The following TPMT variants were observed in gnomAD, a reference collection of about 807,000 sequenced individuals.
TPMT encodes the protein thiopurine S-methyltransferase.
Under a neutral mutation model 34.2 loss-of-function variants are expected in TPMT, and 18 were observed. The observed-to-expected ratio is 0.53, with a 90% CI of 0.36 to 0.78. The LOEUF (loss-of-function observed/expected upper bound fraction) is 0.78, where lower values mean the gene tolerates loss of function less well. TPMT is among the 30% of genes least tolerant of loss of function. The pLI is 0.00. For synonymous variants in TPMT, 69 were observed against 92.4 expected (o/e 0.75, Z 1.45); for missense variants, 265 against 288.1 (o/e 0.92, Z 0.58).
intron 3 of TPMT, among the ~76,000 whole-genome samples, chr6:18,144,481 C>T (rs188017942): frequency 2.6e-5 from 4 of 152,088 alleles, no homozygotes; most frequent in Non-Finnish European, 5.9e-5. Context: ...TGGGTTCAAG[C>T]GATTCTCCTG....
rs1783968371 is a variant in TPMT at position 18,132,700 on chromosome 6, C to A, written c.581-523G>T. On this transcript the variant is annotated intron_variant, in intron 7 of 8. Transcript: ENST00000309983. This position sits in a 1 kb window ranked among gnomAD's most constrained non-coding sequence, Gnocchi z 4.8. ...TCAGATTAGCAGAGCTAACTTCTGC[C>A]TCTATTAATTTCTATTTCCATTTGA... Among the ~76,000 whole-genome samples, 1 of 152,064 alleles carries A rather than the reference C, an allele frequency of 6.6e-6. No homozygotes were observed. Among genetic ancestry groups the A allele is most frequent in the Non-Finnish European group, 1.5e-5 (1 of 68,024 alleles).
rs766839260 is a variant in TPMT at position 18,130,759 on chromosome 6, C to T, written c.647G>A (p.Cys216Tyr). 4 of 1,613,476 alleles carry T rather than the reference C, an allele frequency of 2.5e-6. No homozygotes were observed. The highest frequency in any genetic ancestry group is 3.3e-5 in the Admixed American group (2 of 60,012). The stretch of plus-strand genomic sequence containing the variant: ...TTCAAAAGCATCAACCTTCTCAAGA[C>T]AACGTATATTGCATATTTTACCTGA... ...RLFGKICNIRCLEKVDAFEER... is the reference protein window; with the variant it reads ...RLFGKICNIRYLEKVDAFEER... Residue 216 changes from cysteine (C) to tyrosine (Y), a missense_variant, in exon 9 of 9, where the codon TGT becomes TAT. Coordinates refer to ENST00000309983, the MANE Select transcript of TPMT (RefSeq NM_000367.5). This position sits in a 1 kb window ranked among gnomAD's most constrained non-coding sequence, Gnocchi z 4.2.
At chr6:18,151,187 T>C (rs56120883) in intron 1 of TPMT, among the ~76,000 whole-genome samples, 2,530 of 131,400 alleles carry the variant, frequency 0.019, 30 homozygotes, top group Non-Finnish European at 0.027. Flanking sequence ...CTTCTCTCTT[T>C]TTTTTTTTTT....
chr6:18,148,330 C>T lies in TPMT; in HGVS notation c.141-415G>A, dbSNP rs1400250404. Among the ~76,000 whole-genome samples, 1 of 152,134 alleles carries T rather than the reference C, an allele frequency of 6.6e-6. No homozygotes were observed. Among genetic ancestry groups the T allele is most frequent in the Non-Finnish European group, 1.5e-5 (1 of 68,042 alleles). On this transcript the variant is annotated intron_variant, in intron 2 of 8. Transcript: ENST00000309983. This position sits in a 1 kb window ranked among gnomAD's most constrained non-coding sequence, Gnocchi z 4.1. Reference sequence around the variant, plus strand: ...CTCCTGTAGTTTCTTGTAATTCCCTCTGTGGAGATGTGGCTCTTCTAAGGC... The same window carrying T: ...CTCCTGTAGTTTCTTGTAATTCCCTTTGTGGAGATGTGGCTCTTCTAAGGC...
Position 18,138,457 on chromosome 6 carries a change from G to A in TPMT, c.494+506C>T, listed in dbSNP as rs780687872. 6.6e-6 allele frequency among the ~76,000 whole-genome samples: 1 copy of A among 151,832 alleles called. No homozygotes were observed. The highest frequency in any genetic ancestry group is 6.6e-5 in the Admixed American group (1 of 15,214). The stretch of plus-strand genomic sequence containing the variant: ...AATTTTAAAAATATTTTGTAGAGGT[G>A]GCGTCTTGCTTTGTTGCCCAGACTG... On this transcript the variant is annotated intron_variant, in intron 6 of 8. Coordinates refer to ENST00000309983, the MANE Select transcript of TPMT (RefSeq NM_000367.5). The surrounding 1 kb of genome is among the most constrained non-coding windows in gnomAD (Gnocchi z 4.1).
chr6:18,129,446 C>T lies in TPMT; in HGVS notation c.*1222G>A, dbSNP rs1783893202. The T allele has an allele frequency of 6.6e-6, 1 of 152,308 alleles. No homozygotes were observed. Among genetic ancestry groups the T allele is most frequent in the Middle Eastern group, 3.4e-3 (1 of 294 alleles). The allele number at this position is 152,308 out of a possible 1,614,324, so 9.4% of individuals were successfully genotyped here. ...ACCTTTAAGCCAGCACATGTGCGTG[C>T]ATGCGTGCACACACACACGTAACTC... On this transcript the variant is annotated 3_prime_UTR_variant, in exon 9 of 9. Coordinates refer to ENST00000309983, the MANE Select transcript of TPMT (RefSeq NM_000367.5).
rs1784290264 is a variant in TPMT, at chr6:18,148,513, GACT to G, written c.140+472_140+474del. Among the ~76,000 whole-genome samples, 1 of 152,136 alleles carries G rather than the reference GACT, an allele frequency of 6.6e-6. No homozygotes were observed. Among genetic ancestry groups the G allele is most frequent in the African/African-American group, 2.4e-5 (1 of 41,430 alleles). On this transcript the variant is annotated intron_variant, in intron 2 of 8. Coordinates refer to ENST00000309983, the MANE Select transcript of TPMT (RefSeq NM_000367.5). The surrounding 1 kb of genome is among the most constrained non-coding windows in gnomAD (Gnocchi z 4.1). ...TCCCATGATTTATTGCTGCTATGAA[GACT>G]ACTACTACATTGCACAACATCCTAA...
In TPMT at chr6:18,148,439, G is replaced by A. The variant is rs190868224; in HGVS notation, c.141-524C>T. ...GTCATCTCCTGGGGAGATGGGCGTGGCTGCCCAGAACAAGGAATGTCTCTA... is the reference window on the plus strand; with the variant it reads ...GTCATCTCCTGGGGAGATGGGCGTGACTGCCCAGAACAAGGAATGTCTCTA... On this transcript the variant is annotated intron_variant, in intron 2 of 8. Transcript: ENST00000309983. The surrounding 1 kb of genome is among the most constrained non-coding windows in gnomAD (Gnocchi z 4.1). Among the ~76,000 whole-genome samples, 13 of 152,252 alleles carry A rather than the reference G, an allele frequency of 8.5e-5. No homozygotes were observed. Among genetic ancestry groups the A allele is most frequent in the Non-Finnish European group, 7.4e-5 (5 of 68,024 alleles).
In TPMT at chr6:18,130,709, C is replaced by T. The variant is rs769842877; in HGVS notation, c.697G>A (p.Asp233Asn). 6.2e-7 allele frequency: 1 copy of T among 1,613,090 alleles called. No individual in the cohort carries two copies. The highest frequency in any genetic ancestry group is 1.1e-5 in the South Asian group (1 of 91,028). The part of the protein sequence containing the change: ...FEERHKSWGI[D>N]CLFEKLYLLT... ...AGATATAACTTTTCAAAAAGACAGTCAATTCCCCAACTTTTATGTCGTTCT... is the reference window on the plus strand; with the variant it reads ...AGATATAACTTTTCAAAAAGACAGTTAATTCCCCAACTTTTATGTCGTTCT... The change falls in exon 9 of 9, where the codon GAC becomes AAC. Residue 233 changes from aspartate (D) to asparagine (N), a missense_variant. Coordinates refer to ENST00000309983, the MANE Select transcript of TPMT (RefSeq NM_000367.5). This position sits in a 1 kb window ranked among gnomAD's most constrained non-coding sequence, Gnocchi z 4.2.
In TPMT at chr6:18,139,189, G is replaced by T; in HGVS notation, c.420-152C>A. 1.3e-6 allele frequency: 1 copy of T among 753,672 alleles called. No individual in the cohort carries two copies. Among genetic ancestry groups the T allele is most frequent in the Non-Finnish European group, 2.3e-6 (1 of 431,134 alleles). The allele number at this position is 753,672 out of a possible 1,614,324, so 46.7% of individuals were successfully genotyped here. A position where few individuals can be genotyped will look rare whatever the true frequency, so the allele number is the denominator to read the frequency against. On this transcript the variant is annotated intron_variant, in intron 5 of 8. Transcript: ENST00000309983. This position sits in a 1 kb window ranked among gnomAD's most constrained non-coding sequence, Gnocchi z 4.2. ...TCCTCCTAGAGGAATGTGTGGACCT[G>T]GGTGTGGAGAGCTGTCCATCCCCTC...
At chr6:18,144,031 C>G (rs1784201391) in intron 3 of TPMT, among the ~76,000 whole-genome samples, 2 of 151,996 alleles carry the variant, frequency 1.3e-5, no homozygotes, top group Admixed American at 1.3e-4. Context: ...TGATTTAATA[C>G]AAATTGATTT....
chr6:18,130,098 A>C lies in TPMT; in HGVS notation c.*570T>G, dbSNP rs1375708448. The C allele has an allele frequency of 1.3e-5, 2 of 153,958 alleles. No individual in the cohort carries two copies. Among genetic ancestry groups the C allele is most frequent in the Non-Finnish European group, 2.9e-5 (2 of 69,446 alleles). 9.5% of individuals were successfully genotyped at this position (153,958 alleles called of 1,614,324 possible). A position where few individuals can be genotyped will look rare whatever the true frequency, so the allele number is the denominator to read the frequency against. ...CAGGAGCTCGAGATCAGCCTGACCAACATGGTGAAACCCTGTCTCTACTAA... is the reference window on the plus strand; with the variant it reads ...CAGGAGCTCGAGATCAGCCTGACCACCATGGTGAAACCCTGTCTCTACTAA... On this transcript the variant is annotated 3_prime_UTR_variant, in exon 9 of 9. Transcript: ENST00000309983. The surrounding 1 kb of genome is among the most constrained non-coding windows in gnomAD (Gnocchi z 4.2).
In TPMT at chr6:18,148,559, C is replaced by T. The variant is rs73724426; in HGVS notation, c.140+429G>A. ...CATCCTAACTCACTTTATAATTTCT[C>T]GCAACTTCTTTTCTCCCACCATAGA... On this transcript the variant is annotated intron_variant, in intron 2 of 8. Coordinates refer to ENST00000309983, the MANE Select transcript of TPMT (RefSeq NM_000367.5). The surrounding 1 kb of genome is among the most constrained non-coding windows in gnomAD (Gnocchi z 4.1). 2.1e-3 allele frequency among the ~76,000 whole-genome samples: 327 copies of T among 152,300 alleles called. 1 individual carries two copies. Among genetic ancestry groups the T allele is most frequent in the African/African-American group, 7.5e-3 (310 of 41,548 alleles).
Position 18,143,586 on chromosome 6 carries a change from C to G in TPMT, c.366+10G>C. On this transcript the variant is annotated intron_variant, in intron 4 of 8. Coordinates refer to ENST00000309983, the MANE Select transcript of TPMT (RefSeq NM_000367.5). This position sits in a 1 kb window ranked among gnomAD's most constrained non-coding sequence, Gnocchi z 6.1. Reference sequence around the variant, plus strand: ...TATGGATACAATTATTTACCCAAATCAAAACAAACCTTAAATACTTTGGTT... The same window carrying G: ...TATGGATACAATTATTTACCCAAATGAAAACAAACCTTAAATACTTTGGTT... 2 of 1,611,980 alleles carry G rather than the reference C, an allele frequency of 1.2e-6. No homozygotes were observed. Among genetic ancestry groups the G allele is most frequent in the East Asian group, 4.5e-5 (2 of 44,824 alleles).
At position 18,143,606 on chromosome 6, in the gene TPMT, T is replaced by G. The variant is rs151149760; in HGVS notation, c.356A>C (p.Lys119Thr). The G allele has an allele frequency of 3.7e-4, 592 of 1,612,484 alleles. No homozygotes were observed. Among genetic ancestry groups the G allele is most frequent in the Non-Finnish European group, 4.7e-4 (555 of 1,179,974 alleles). ...EEPITEIPGT[K>T]VFKSSSGNIS... ...CAAATCAAAACAAACCTTAAATACTTTGGTTCCAGGAATTTCGGTGATTGG... is the reference window on the plus strand; with the variant it reads ...CAAATCAAAACAAACCTTAAATACTGTGGTTCCAGGAATTTCGGTGATTGG... The change falls in exon 4 of 9, where the codon AAA becomes ACA. Residue 119 changes from lysine to threonine, a missense_variant. Coordinates refer to ENST00000309983, the MANE Select transcript of TPMT (RefSeq NM_000367.5). This position sits in a 1 kb window ranked among gnomAD's most constrained non-coding sequence, Gnocchi z 6.1.
Position 18,133,847 on chromosome 6 carries a change from C to T in TPMT, c.537G>A (p.Gln179=). The change falls in exon 7 of 9, where the codon CAG becomes CAA. Residue 179 remains glutamine, a synonymous_variant. Coordinates refer to ENST00000309983, the MANE Select transcript of TPMT (RefSeq NM_000367.5). ...TMFSLLGKKF[Q]YLLCVLSYDP... is the part of the protein sequence containing the mutation. Reference sequence around the variant, plus strand: ...CATAAGAAAGAACACACAGGAGATACTGAAACTTCTTTCCCAGGAGGGAAA... The same window carrying T: ...CATAAGAAAGAACACACAGGAGATATTGAAACTTCTTTCCCAGGAGGGAAA... 1 of 1,611,990 alleles carries T rather than the reference C, an allele frequency of 6.2e-7. No individual in the cohort carries two copies.
In TPMT at chr6:18,143,461, C is replaced by G; in HGVS notation, c.366+135G>C. On this transcript the variant is annotated intron_variant, in intron 4 of 8. Coordinates refer to ENST00000309983, the MANE Select transcript of TPMT (RefSeq NM_000367.5). The surrounding 1 kb of genome is among the most constrained non-coding windows in gnomAD (Gnocchi z 6.1). ...TATTTTTAAGCCCTTGCTTCTTATA[C>G]TATATAGTATCTACAGTGAATCTGC... 8.6e-7 allele frequency: 1 copy of G among 1,160,468 alleles called. No homozygotes were observed. The highest frequency in any genetic ancestry group is 1.9e-5 in the Admixed American group (1 of 51,484). The allele number at this position is 1,160,468 out of a possible 1,614,324, so 71.9% of individuals were successfully genotyped here.
chr6:18,139,791 C>T lies in TPMT; in HGVS notation c.367-74G>A. The T allele has an allele frequency of 1.0e-6, 1 of 955,566 alleles. No homozygotes were observed. Among genetic ancestry groups the T allele is most frequent in the South Asian group, 1.5e-5 (1 of 66,936 alleles). 59.2% of individuals were successfully genotyped at this position (955,566 alleles called of 1,614,324 possible). A position where few individuals can be genotyped will look rare whatever the true frequency, so the allele number is the denominator to read the frequency against. ...ACTTGAATAGTCAAGGAAAGAGGGC[C>T]AAGCAAAGCAAAAGTTCTAGGGAAA... On this transcript the variant is annotated intron_variant, in intron 4 of 8. Coordinates refer to ENST00000309983, the MANE Select transcript of TPMT (RefSeq NM_000367.5). The surrounding 1 kb of genome is among the most constrained non-coding windows in gnomAD (Gnocchi z 4.2).
rs1783966555 is a variant in TPMT at position 18,132,579 on chromosome 6, G to A, written c.581-402C>T. On this transcript the variant is annotated intron_variant, in intron 7 of 8. Coordinates refer to ENST00000309983, the MANE Select transcript of TPMT (RefSeq NM_000367.5). The surrounding 1 kb of genome is among the most constrained non-coding windows in gnomAD (Gnocchi z 4.8). The stretch of plus-strand genomic sequence containing the variant: ...AAGCTGAGCTTCCGCCCCCTTCTAA[G>A]AGCAGTATCCTCAGACTCCACCTCC... Among the ~76,000 whole-genome samples, 1 of 152,088 alleles carries A rather than the reference G, an allele frequency of 6.6e-6. No homozygotes were observed. Among genetic ancestry groups the A allele is most frequent in the South Asian group, 2.1e-4 (1 of 4,822 alleles).
Sources: allele counts gnomAD v4.1 joint callset (sites outside exome capture counted in the v4.1 genomes callset), GRCh38; gene constraint gnomAD v4.1.1; non-coding constraint Gnocchi (gnomAD v3.1); transcripts MANE v1.5; gene names NCBI Gene and HGNC (gene_info 2026-07-23, HGNC 2026-07-21).